Variants in RYR3 observed in about 807,000 individuals in gnomAD.
RYR3 encodes brain ryanodine receptor-calcium release channel.
Under a neutral mutation model 584.3 loss-of-function variants are expected in RYR3, and 207 were observed. The ratio of observed to expected loss-of-function variants is 0.35; its 90% CI spans 0.32 to 0.40. The LOEUF (loss-of-function observed/expected upper bound fraction) is 0.40. Ranked by LOEUF, RYR3 falls within the 10% of genes least tolerant of loss-of-function variation. RYR3 has a pLI of 1.00. For synonymous variants in RYR3, 2,416 were observed against 2,248.5 expected (o/e 1.07, Z -2.11); for missense variants, 5,616 against 6,089.2 (o/e 0.92, Z 2.59).
chr15:33,501,190 C>T (rs1265747687), intron 2 of RYR3, among the ~76,000 whole-genome samples: 1 of 152,180 alleles, frequency 6.6e-6, no homozygotes, highest in Non-Finnish European at 1.5e-5. Context: ...CACCTGGGGA[C>T]TTTCAATACC....
At chr15:33,804,154 T>C (rs2076060936) in intron 69 of RYR3, among the ~76,000 whole-genome samples, 1 of 152,250 alleles carries the variant, frequency 6.6e-6, no homozygotes. Flanking sequence ...AAAGTGGTCT[T>C]CTTCCTTGCT....
chr15:33,757,361 T>C, intron 59 of RYR3, 114 bp from the exon 60 acceptor site: 1 of 1,182,092 alleles, frequency 8.5e-7, no homozygotes, highest in South Asian at 1.5e-5. Flanking sequence ...TTCCTGGAAA[T>C]TACAGGACCA....
intron 18 of RYR3, among the ~76,000 whole-genome samples, chr15:33,608,266 T>G (rs1256552421): frequency 6.6e-6 from 1 of 152,226 alleles, no homozygotes; most frequent in Non-Finnish European, 1.5e-5. Context: ...CTCAGTCCTG[T>G]GTGATTCCAA....
At chr15:33,399,265 T>C (rs1255764614) in intron 1 of RYR3, among the ~76,000 whole-genome samples, 1 of 152,232 alleles carries the variant, frequency 6.6e-6, no homozygotes, top group Non-Finnish European at 1.5e-5. Context: ...ACAGCATTTA[T>C]AGCGCTATTA....
chr15:33,789,970 C>CA (rs2075047229), intron 67 of RYR3, among the ~76,000 whole-genome samples: 1 of 139,908 alleles, frequency 7.1e-6, no homozygotes, highest in African/African-American at 2.8e-5. Flanking sequence ...AGGCGTGAGC[C>CA]ACCACGCCTG....
chr15:33,840,991 G>T (rs1356471660), intron 90 of RYR3, 108 bp downstream of exon 90: 1 of 989,786 alleles, frequency 1.0e-6, no homozygotes. Flanking sequence ...GCTGAGGCTG[G>T]AGGATCACTT....
intron 1 of RYR3, among the ~76,000 whole-genome samples, chr15:33,344,448 C>T (rs1389540593): frequency 1.3e-5 from 2 of 152,122 alleles, no homozygotes; most frequent in Non-Finnish European, 2.9e-5. Flanking sequence ...ATACAGTTTT[C>T]GGTTCCCCAT....
At chr15:33,793,765 A>G (rs548826908) in intron 67 of RYR3, among the ~76,000 whole-genome samples, 159 of 151,904 alleles carry the variant, frequency 1.0e-3, no homozygotes, top group Admixed American at 2.1e-3. Context: ...GTGGTAACCC[A>G]TTCTGCCATG....
chr15:33,618,071 G>T (rs1483774367), intron 19 of RYR3, among the ~76,000 whole-genome samples: 2 of 152,112 alleles, frequency 1.3e-5, no homozygotes, highest in Non-Finnish European at 2.9e-5. Context: ...CTTACTAAAA[G>T]TTGATCTTAT....
chr15:33,726,609 G>C (rs564559906), intron 46 of RYR3, 103 bp downstream of exon 46: 258 of 1,299,842 alleles, frequency 2.0e-4, no homozygotes, highest in Non-Finnish European at 2.6e-4. Flanking sequence ...CTGACTTGCA[G>C]GGCGGGCTGC....
intron 43 of RYR3, among the ~76,000 whole-genome samples, 182 bp downstream of exon 43, chr15:33,707,236 G>C (rs769388405): frequency 2.9e-4 from 44 of 152,106 alleles, no homozygotes; most frequent in Non-Finnish European, 5.6e-4. Flanking sequence ...TCAGAATCAG[G>C]CCAGACAAGG....
chr15:33,740,745 A>G (rs985983071), intron 51 of RYR3, among the ~76,000 whole-genome samples: 1 of 152,246 alleles, frequency 6.6e-6, no homozygotes, highest in Non-Finnish European at 1.5e-5. Flanking sequence ...GCCTGAGCCT[A>G]TATGAGCCCC....
chr15:33,518,691 C>A (rs148026144), intron 3 of RYR3, among the ~76,000 whole-genome samples: 6 of 152,282 alleles, frequency 3.9e-5, no homozygotes, highest in Non-Finnish European at 5.9e-5. Context: ...CATAGATCAG[C>A]AAAGGAGTTT....
chr15:33,542,718 T>C (rs2055922664), intron 7 of RYR3, among the ~76,000 whole-genome samples: 1 of 152,146 alleles, frequency 6.6e-6, no homozygotes, highest in South Asian at 2.1e-4. Flanking sequence ...AGTGATCTAA[T>C]TATGTGATTT....
At chr15:33,605,871 G>T (rs1197630545) in intron 18 of RYR3, among the ~76,000 whole-genome samples, 4 of 152,108 alleles carry the variant, frequency 2.6e-5, no homozygotes, top group African/African-American at 9.7e-5. Context: ...GAGAATGGTG[G>T]GTAGATAGGG....
At chr15:33,313,821 C>T (rs1967693176) in intron 1 of RYR3, among the ~76,000 whole-genome samples, 1 of 151,970 alleles carries the variant, frequency 6.6e-6, no homozygotes, top group African/African-American at 2.4e-5. Context: ...AACCTATTTA[C>T]AAAAAAAGAC....
intron 16 of RYR3, among the ~76,000 whole-genome samples, chr15:33,598,392 G>GT (rs1179541238): frequency 1.4e-5 from 2 of 147,044 alleles, no homozygotes; most frequent in African/African-American, 5.1e-5. Context: ...CTTTAAAAAA[G>GT]TTTTTTTTTA....
intron 1 of RYR3, among the ~76,000 whole-genome samples, chr15:33,419,211 C>A (rs2044050056): frequency 6.6e-6 from 1 of 152,172 alleles, no homozygotes; most frequent in Non-Finnish European, 1.5e-5. Context: ...AAAGGAGAAT[C>A]AGGTAAATTT....
intron 28 of RYR3, 83 bp from the exon 29 acceptor site, chr15:33,646,268 T>C (rs973534652): frequency 7.3e-6 from 9 of 1,228,422 alleles, no homozygotes; most frequent in Admixed American, 2.3e-5. Flanking sequence ...TGCCTTGCCA[T>C]GTGCATGTCC....
Sources: allele counts gnomAD v4.1 joint callset (sites outside exome capture counted in the v4.1 genomes callset), GRCh38; gene constraint gnomAD v4.1.1; transcripts MANE v1.5; gene names NCBI Gene and HGNC (gene_info 2026-07-23, HGNC 2026-07-21).